Variants in KCNIP4 observed in about 807,000 individuals in gnomAD.
The protein encoded by KCNIP4 is potassium voltage-gated channel interacting protein 4, also known as Kv channel-interacting protein 4.
A neutral mutation model predicts 34.0 loss-of-function variants in KCNIP4; 12 were observed. The ratio of observed to expected loss-of-function variants is 0.35; its 90% CI spans 0.23 to 0.57. The LOEUF (loss-of-function observed/expected upper bound fraction) is 0.57. KCNIP4 is among the 20% of genes least tolerant of loss of function. The pLI is 0.83. For synonymous variants in KCNIP4, 124 were observed against 102.2 expected (o/e 1.21, Z -1.29); for missense variants, 238 against 311.7 (o/e 0.76, Z 1.78).
intron 6 of KCNIP4, 141 bp from the exon 7 acceptor site, chr4:20,732,926 G>T (rs1748691890): frequency 3.4e-6 from 2 of 581,886 alleles, no homozygotes; most frequent in East Asian, 2.9e-5. Context: ...ACTGTTGGTT[G>T]TCCCAAAGGA....
At chr4:21,753,033 G>A (rs1277011886) in intron 1 of KCNIP4, among the ~76,000 whole-genome samples, 1 of 152,066 alleles carries the variant, frequency 6.6e-6, no homozygotes, top group Non-Finnish European at 1.5e-5. Context: ...CCTTTCTGGG[G>A]GCACTTGGAA....
intron 1 of KCNIP4, among the ~76,000 whole-genome samples, chr4:21,858,877 A>G (rs1365536926): frequency 6.6e-6 from 1 of 152,254 alleles, no homozygotes; most frequent in Non-Finnish European, 1.5e-5. Flanking sequence ...ATCCTAAGAT[A>G]TACTCATATA....
chr4:20,895,700 G>T (rs1291770897), intron 1 of KCNIP4, among the ~76,000 whole-genome samples: 1 of 152,150 alleles, frequency 6.6e-6, no homozygotes, highest in South Asian at 2.1e-4. Flanking sequence ...AGGCACCCGG[G>T]AAGAAAATCA....
chr4:20,859,193 T>C (rs1056988067), intron 2 of KCNIP4, among the ~76,000 whole-genome samples: 1 of 150,956 alleles, frequency 6.6e-6, no homozygotes, highest in Admixed American at 6.7e-5. Context: ...AGTGATGGGA[T>C]CTCAGAGCTG....
intron 1 of KCNIP4, among the ~76,000 whole-genome samples, chr4:21,114,711 A>ATACTT (rs964603032): frequency 6.6e-6 from 1 of 152,114 alleles, no homozygotes; most frequent in Non-Finnish European, 1.5e-5. Context: ...CCACATCACA[A>ATACTT]TACTTTGAAA....
chr4:21,912,882 C>G (rs867519945), intron 1 of KCNIP4, among the ~76,000 whole-genome samples: 1 of 150,508 alleles, frequency 6.6e-6, no homozygotes, highest in Non-Finnish European at 1.5e-5. Flanking sequence ...CAATAAGAAG[C>G]CATTGAAATT....
At chr4:21,095,181 A>C (rs1319583576) in intron 1 of KCNIP4, among the ~76,000 whole-genome samples, 1 of 152,180 alleles carries the variant, frequency 6.6e-6, no homozygotes, top group Non-Finnish European at 1.5e-5. Context: ...TGTGCACATA[A>C]ATGTATGCAT....
chr4:20,988,703 A>T (rs1237914889), intron 1 of KCNIP4, among the ~76,000 whole-genome samples: 1 of 152,232 alleles, frequency 6.6e-6, no homozygotes, highest in Non-Finnish European at 1.5e-5. Context: ...TTATTAGCCT[A>T]TGAAGGGAAT....
intron 1 of KCNIP4, among the ~76,000 whole-genome samples, chr4:21,936,669 T>A (rs1578162115): frequency 6.6e-6 from 1 of 152,220 alleles, no homozygotes; most frequent in Non-Finnish European, 1.5e-5. Flanking sequence ...CTTCTCAAGG[T>A]AACGTGATAG....
At chr4:20,732,407 A>G (rs2149264401) in intron 7 of KCNIP4, among the ~76,000 whole-genome samples, 1 of 152,332 alleles carries the variant, frequency 6.6e-6, no homozygotes, top group African/African-American at 2.4e-5. Context: ...ATGAGGATTT[A>G]TAGGATTCTT....
At chr4:21,465,977 T>C (rs2109789540) in intron 1 of KCNIP4, among the ~76,000 whole-genome samples, 1 of 152,294 alleles carries the variant, frequency 6.6e-6, no homozygotes, top group Admixed American at 6.5e-5. Flanking sequence ...TGCTTCCTTC[T>C]TTTAGTCCTC....
intron 1 of KCNIP4, among the ~76,000 whole-genome samples, chr4:20,904,411 T>G (rs73805219): frequency 0.023 from 3,524 of 151,324 alleles, 119 homozygotes; most frequent in African/African-American, 0.073. Context: ...AATTTCATTT[T>G]GGAATCATTT....
intron 3 of KCNIP4, among the ~76,000 whole-genome samples, chr4:20,847,550 T>TG (rs11413157): frequency 0.39 from 58,960 of 151,954 alleles, 11,957 homozygotes; most frequent in Non-Finnish European, 0.46. Flanking sequence ...TGCTCACTTT[T>TG]GAGACTCAGA....
chr4:21,210,004 C>CA, intron 1 of KCNIP4, among the ~76,000 whole-genome samples: 1 of 152,142 alleles, frequency 6.6e-6, no homozygotes. Flanking sequence ...AACTTCCTGT[C>CA]AAACGGTTAT....
chr4:21,399,966 AGAG>A (rs1723332974), intron 1 of KCNIP4, among the ~76,000 whole-genome samples: 1 of 152,164 alleles, frequency 6.6e-6, no homozygotes, highest in South Asian at 2.1e-4. Context: ...ACTTTCCTGG[AGAG>A]GAGAAGAGCT....
chr4:21,505,190 T>A (rs1733731558), intron 1 of KCNIP4, among the ~76,000 whole-genome samples: 2 of 152,254 alleles, frequency 1.3e-5, no homozygotes, highest in South Asian at 4.1e-4. Context: ...AGACATGTTC[T>A]TGAACTGGTT....
At chr4:21,112,681 TG>T (rs1318352766) in intron 1 of KCNIP4, among the ~76,000 whole-genome samples, 1 of 152,040 alleles carries the variant, frequency 6.6e-6, no homozygotes, top group Non-Finnish European at 1.5e-5. Flanking sequence ...AGATGAGTTG[TG>T]GCACTAAACT....
chr4:21,542,181 GATGTGTCTACCACCCA>G (rs539859097), intron 1 of KCNIP4, among the ~76,000 whole-genome samples: 117 of 152,214 alleles, frequency 7.7e-4, no homozygotes, highest in African/African-American at 2.8e-3. Context: ...GGCTTCCACA[GATGTGTCTACCACCCA>G]ATGTGCCAAC....
chr4:21,572,283 C>T (rs995775421), intron 1 of KCNIP4, among the ~76,000 whole-genome samples: 1 of 152,094 alleles, frequency 6.6e-6, no homozygotes, highest in African/African-American at 2.4e-5. Flanking sequence ...AAATGTGTTG[C>T]TTATTTTTGT....
Sources: allele counts gnomAD v4.1 joint callset (sites outside exome capture counted in the v4.1 genomes callset), GRCh38; gene constraint gnomAD v4.1.1; transcripts MANE v1.5; gene names NCBI Gene and HGNC (gene_info 2026-07-23, HGNC 2026-07-21).